MAGI2: variants seen among roughly 807,000 people sequenced by gnomAD.
MAGI2 encodes the protein membrane-associated guanylate kinase, WW and PDZ domain-containing protein 2.
MAGI2 carries 35 observed loss-of-function variants against 133.3 expected under a neutral mutation model. The observed-to-expected ratio is 0.26, with a 90% CI of 0.20 to 0.35. The LOEUF (loss-of-function observed/expected upper bound fraction) is 0.35. MAGI2 is among the 10% of genes least tolerant of loss of function. MAGI2 has a pLI of 1.00. For synonymous variants in MAGI2, 729 were observed against 710.6 expected, an observed-to-expected ratio of 1.03 and a Z score of -0.41; for missense variants, 1,636 against 1,863.4, an observed-to-expected ratio of 0.88 and a Z score of 2.25.
At chr7:79,167,055 T>C (rs1387159056) in intron 1 of MAGI2, among the ~76,000 whole-genome samples, 1 of 152,048 alleles carries the variant, frequency 6.6e-6, no homozygotes, top group Non-Finnish European at 1.5e-5. Context: ...TTGTTGAAGT[T>C]TGAGAAGCTT....
intron 1 of MAGI2, among the ~76,000 whole-genome samples, chr7:79,327,183 T>C (rs1467577015): frequency 2.6e-5 from 4 of 152,124 alleles, no homozygotes; most frequent in Middle Eastern, 3.4e-3. Flanking sequence ...TCTGTAAGAG[T>C]ATGCACGTCA....
chr7:78,491,741 T>C (rs990632893), intron 5 of MAGI2, among the ~76,000 whole-genome samples: 1 of 152,004 alleles, frequency 6.6e-6, no homozygotes, highest in Non-Finnish European at 1.5e-5. Flanking sequence ...ACTAAAGACT[T>C]GAAGCTTGAG....
At chr7:78,634,507 C>G (rs1380659166) in intron 2 of MAGI2, among the ~76,000 whole-genome samples, 2 of 152,124 alleles carry the variant, frequency 1.3e-5, no homozygotes, top group Non-Finnish European at 2.9e-5. Context: ...TCTGTGAACA[C>G]CTCTTTGGAA....
chr7:78,899,513 T>G (rs1797450212), intron 2 of MAGI2, among the ~76,000 whole-genome samples: 1 of 152,154 alleles, frequency 6.6e-6, no homozygotes, highest in Admixed American at 6.5e-5. Context: ...ATGTATAGCC[T>G]TCATAAGCTT....
At chr7:78,070,120 C>CAA (rs1814339904) in intron 21 of MAGI2, among the ~76,000 whole-genome samples, 1 of 106,944 alleles carries the variant, frequency 9.4e-6, no homozygotes, top group Non-Finnish European at 2.1e-5. Context: ...CACACACACA[C>CAA]ACACACATAT....
intron 1 of MAGI2, among the ~76,000 whole-genome samples, chr7:79,101,551 C>A (rs529156217): frequency 6.6e-6 from 1 of 151,896 alleles, no homozygotes; most frequent in East Asian, 1.9e-4. Flanking sequence ...GGTGAAACCC[C>A]GTCTCCACTA....
rs989515402 is a variant in MAGI2, at chr7:78,430,883, C to A, written c.1045+58878G>T. Among the ~76,000 whole-genome samples the A allele has an allele frequency of 4.6e-5, 7 of 152,192 alleles. No individual in the cohort carries two copies. The South Asian group carries it at 6.2e-4, about 14-fold the overall frequency. The stretch of plus-strand genomic sequence containing the variant: ...CCCTAGTTGACTCAATTCTCTAAGT[C>A]CAACAGGAGGGGTTACTAGTGAAAG... On this transcript the variant is annotated intron_variant, in intron 6 of 21. Coordinates refer to ENST00000354212, the MANE Select transcript of MAGI2 (RefSeq NM_012301.4).
chr7:78,577,759 A>T (rs916172191), intron 3 of MAGI2, among the ~76,000 whole-genome samples: 12 of 152,106 alleles, frequency 7.9e-5, no homozygotes, highest in African/African-American at 2.4e-4. Context: ...TAAGGCAGGA[A>T]CAGGCCATTC....
At chr7:78,662,871 C>G (rs190252116) in intron 2 of MAGI2, among the ~76,000 whole-genome samples, 15 of 152,230 alleles carry the variant, frequency 9.9e-5, no homozygotes, top group African/African-American at 3.6e-4. Flanking sequence ...ATAATAAATG[C>G]TGACATTTAC....
intron 1 of MAGI2, among the ~76,000 whole-genome samples, chr7:79,259,974 T>C (rs549447591): frequency 1.1e-4 from 16 of 152,352 alleles, no homozygotes; most frequent in East Asian, 7.7e-4. Flanking sequence ...CCAATGTGTT[T>C]GATTTCAATG....
intron 1 of MAGI2, among the ~76,000 whole-genome samples, chr7:79,267,070 C>T (rs1834517745): frequency 1.3e-5 from 2 of 152,102 alleles, no homozygotes; most frequent in African/African-American, 4.8e-5. Context: ...ATGGACCAGA[C>T]CAACCTAACA....
chr7:78,369,098 T>C, intron 7 of MAGI2, 58 bp downstream of exon 7: 1 of 1,261,222 alleles, frequency 7.9e-7, no homozygotes, highest in Non-Finnish European at 1.1e-6. Flanking sequence ...ATAAATAAAA[T>C]ACTAACATAA....
intron 2 of MAGI2, among the ~76,000 whole-genome samples, chr7:78,864,622 AT>A (rs1794408381): frequency 1.3e-5 from 2 of 152,178 alleles, no homozygotes; most frequent in African/African-American, 2.4e-5. Flanking sequence ...GAAAACTTTA[AT>A]AACAGGTTGG....
chr7:78,168,948 T>C (rs1563209156), intron 14 of MAGI2, among the ~76,000 whole-genome samples: 1 of 152,246 alleles, frequency 6.6e-6, no homozygotes. Flanking sequence ...TCTATTCTTT[T>C]GAATACTTCC....
intron 7 of MAGI2, among the ~76,000 whole-genome samples, chr7:78,348,596 T>C (rs911145362): frequency 1.3e-5 from 2 of 152,144 alleles, no homozygotes; most frequent in Non-Finnish European, 2.9e-5. Context: ...TGAACAGACT[T>C]CTCTCATTGC....
chr7:78,281,056 C>T (rs1292325735), intron 9 of MAGI2, among the ~76,000 whole-genome samples: 1 of 150,636 alleles, frequency 6.6e-6, no homozygotes, highest in Non-Finnish European at 1.5e-5. Flanking sequence ...ATTTTTTTCT[C>T]TTCCTTTTCA....
At chr7:78,896,153 G>C (rs567728160) in intron 2 of MAGI2, among the ~76,000 whole-genome samples, 21 of 152,210 alleles carry the variant, frequency 1.4e-4, no homozygotes, top group African/African-American at 4.8e-4. Flanking sequence ...TTTTCATTCA[G>C]CATGCAGTCT....
intron 1 of MAGI2, chr7:79,410,723 T>C (rs1846086920): frequency 1.3e-5 from 2 of 152,170 alleles, no homozygotes; most frequent in African/African-American, 2.4e-5. Flanking sequence ...GTTCCATCAG[T>C]ATATTTTATT....
intron 20 of MAGI2, among the ~76,000 whole-genome samples, chr7:78,115,903 T>C (rs1819819598): frequency 6.6e-6 from 1 of 152,226 alleles, no homozygotes; most frequent in South Asian, 2.1e-4. Flanking sequence ...CAGTATTTAA[T>C]AGATCAAATA....
Sources: allele counts gnomAD v4.1 joint callset (sites outside exome capture counted in the v4.1 genomes callset), GRCh38; gene constraint gnomAD v4.1.1; transcripts MANE v1.5; gene names NCBI Gene and HGNC (gene_info 2026-07-23, HGNC 2026-07-21).